C1GALT1: variants seen among roughly 807,000 people sequenced by gnomAD.
C1GALT1 encodes core 1 synthase, glycoprotein-N-acetylgalactosamine 3-beta-galactosyltransferase 1, also known as glycoprotein-N-acetylgalactosamine 3-beta-galactosyltransferase 1.
Under a neutral mutation model 31.0 loss-of-function variants are expected in C1GALT1, and 11 were observed. The observed-to-expected ratio is 0.36, with a 90% CI of 0.22 to 0.59. C1GALT1 has a LOEUF of 0.59. Ranked by LOEUF, C1GALT1 falls within the 20% of genes least tolerant of loss-of-function variation. C1GALT1 has a pLI of 0.79. For missense variants in C1GALT1, 424 were observed against 425.2 expected, an observed-to-expected ratio of 1.00 and a Z score of 0.03; for synonymous variants, 175 against 143.6, an observed-to-expected ratio of 1.22 and a Z score of -1.56.
intron 1 of C1GALT1, among the ~76,000 whole-genome samples, chr7:7,188,628 G>A (rs908375872): frequency 2.6e-5 from 4 of 152,110 alleles, no homozygotes; most frequent in African/African-American, 7.2e-5. Context: ...ATGCCACCCA[G>A]TGCTAGTTCC....
At chr7:7,199,596 TAC>T (rs60572753) in intron 1 of C1GALT1, among the ~76,000 whole-genome samples, 29,027 of 152,030 alleles carry the variant, frequency 0.19, 3,260 homozygotes, top group East Asian at 0.37. Flanking sequence ...ATATCCTTGT[TAC>T]AACTTTCTGT....
chr7:7,242,000 C>T (rs1783650419), intron 3 of C1GALT1, among the ~76,000 whole-genome samples: 1 of 151,916 alleles, frequency 6.6e-6, no homozygotes, highest in Non-Finnish European at 1.5e-5. Flanking sequence ...TATTACTGGT[C>T]TAGTCCTTAA....
intron 1 of C1GALT1, among the ~76,000 whole-genome samples, chr7:7,208,927 G>A (rs1781871686): frequency 6.6e-6 from 1 of 152,166 alleles, no homozygotes; most frequent in Non-Finnish European, 1.5e-5. Flanking sequence ...TTTTCTTGAA[G>A]TTTGAAGTTT....
At chr7:7,222,223 A>G (rs1362207071) in intron 1 of C1GALT1, among the ~76,000 whole-genome samples, 3 of 152,188 alleles carry the variant, frequency 2.0e-5, no homozygotes, top group Admixed American at 6.5e-5. Flanking sequence ...GAAGTTTTCT[A>G]TGCTGTTCTT....
chr7:7,216,974 A>G (rs1782272144), intron 1 of C1GALT1, among the ~76,000 whole-genome samples: 1 of 106,338 alleles, frequency 9.4e-6, no homozygotes, highest in Non-Finnish European at 1.8e-5. Flanking sequence ...ATTCCTGCAC[A>G]TTAGACACAC....
intron 2 of C1GALT1, among the ~76,000 whole-genome samples, chr7:7,165,253 C>G (rs1419597092): frequency 6.6e-6 from 1 of 152,098 alleles, no homozygotes; most frequent in Non-Finnish European, 1.5e-5. Flanking sequence ...GATCCTTGTG[C>G]AAGCAGATAT....
chr7:7,165,205 G>T (rs1780378291), intron 2 of C1GALT1, among the ~76,000 whole-genome samples: 1 of 152,138 alleles, frequency 6.6e-6, no homozygotes, highest in Non-Finnish European at 1.5e-5. Flanking sequence ...AAGGAGCTCA[G>T]GCCAGGTTGT....
intron 1 of C1GALT1, 119 bp downstream of exon 1, chr7:7,182,939 G>C (rs1780649786): frequency 1.3e-6 from 1 of 746,886 alleles, no homozygotes. Context: ...GGGCGCGGCG[G>C]AACAGGTGTC....
chr7:7,208,343 G>C (rs1781842774), intron 1 of C1GALT1, among the ~76,000 whole-genome samples: 1 of 151,992 alleles, frequency 6.6e-6, no homozygotes, highest in African/African-American at 2.4e-5. Flanking sequence ...TTACAAATTA[G>C]ACTTTCTCAT....
At chr7:7,215,498 G>C (rs1782196272) in intron 1 of C1GALT1, among the ~76,000 whole-genome samples, 1 of 152,050 alleles carries the variant, frequency 6.6e-6, no homozygotes, top group Non-Finnish European at 1.5e-5. Context: ...TTTAAGCCAA[G>C]CATTTTAAGG....
upstream of C1GALT1, among the ~76,000 whole-genome samples, chr7:7,181,843 T>C (rs1780595246): frequency 6.6e-6 from 1 of 152,210 alleles, no homozygotes; most frequent in Non-Finnish European, 1.5e-5. Context: ...ATGACTATTG[T>C]GGGGTTGCCT....
chr7:7,172,429 G>A (rs960548453), intron 2 of C1GALT1, among the ~76,000 whole-genome samples: 2 of 151,850 alleles, frequency 1.3e-5, no homozygotes, highest in Admixed American at 1.3e-4. Context: ...CTTAAGTGTG[G>A]GTCTTTTTGA....
intron 3 of C1GALT1, among the ~76,000 whole-genome samples, chr7:7,242,466 C>A (rs563558995): frequency 6.6e-6 from 1 of 152,140 alleles, no homozygotes; most frequent in South Asian, 2.1e-4. Flanking sequence ...ACACTGTAAG[C>A]TACATACTTC....
At chr7:7,164,564 T>C (rs970365671) in intron 2 of C1GALT1, among the ~76,000 whole-genome samples, 33 of 152,112 alleles carry the variant, frequency 2.2e-4, no homozygotes, top group Non-Finnish European at 8.8e-5. Flanking sequence ...TCAGCACCTG[T>C]GCATGGAAAG....
At chr7:7,169,815 C>CT (rs1486300491) in intron 2 of C1GALT1, among the ~76,000 whole-genome samples, 1 of 152,200 alleles carries the variant, frequency 6.6e-6, no homozygotes, top group Non-Finnish European at 1.5e-5. Context: ...TTGGTGTGCA[C>CT]TTTTTTGTGA....
intron 1 of C1GALT1, among the ~76,000 whole-genome samples, chr7:7,190,422 A>C (rs755522420): frequency 8.5e-5 from 13 of 152,144 alleles, no homozygotes; most frequent in Non-Finnish European, 1.8e-4. Context: ...CATCAGTGCG[A>C]GAGTGGGATG....
intron 2 of C1GALT1, among the ~76,000 whole-genome samples, chr7:7,165,934 TAC>T (rs1311002943): frequency 6.6e-6 from 1 of 152,208 alleles, no homozygotes. Flanking sequence ...ATATGAAACA[TAC>T]ATTTCATGTT....
At chr7:7,227,520 A>G (rs1374488772) in intron 1 of C1GALT1, among the ~76,000 whole-genome samples, 5 of 152,058 alleles carry the variant, frequency 3.3e-5, no homozygotes, top group Non-Finnish European at 7.4e-5. Flanking sequence ...GGAGATCGAG[A>G]CCATCCCGGC....
chr7:7,173,691 C>T (rs937112342), intron 2 of C1GALT1, among the ~76,000 whole-genome samples: 1 of 152,126 alleles, frequency 6.6e-6, no homozygotes, highest in Non-Finnish European at 1.5e-5. Flanking sequence ...TACTTAAGCT[C>T]AGGAGTTGAA....
Sources: gnomAD v4.1 joint callset for allele counts (sites outside exome capture counted in the v4.1 genomes callset) on GRCh38, gnomAD v4.1.1 for gene constraint, MANE v1.5 for transcripts, NCBI Gene and HGNC (gene_info 2026-07-23, HGNC 2026-07-21) for gene names.